ZNF317: variants seen among roughly 807,000 people sequenced by gnomAD.
The protein encoded by ZNF317 is KRAB-containing zinc finger protein 317.
A neutral mutation model predicts 23.4 loss-of-function variants in ZNF317; 17 were observed. That is an observed-to-expected ratio of 0.73 (90% CI 0.50 to 1.09). The LOEUF (loss-of-function observed/expected upper bound fraction) is 1.09. Among genes scored for constraint, ZNF317 ranks in the 50% least tolerant of loss-of-function variants. The pLI is 0.00. For missense variants in ZNF317, 679 were observed against 796.7 expected, an observed-to-expected ratio of 0.85 and a Z score of 1.78; for synonymous variants, 317 against 314.9, an observed-to-expected ratio of 1.01 and a Z score of -0.07.
At chr19:9,150,710 A>T (rs555206809) in intron 1 of ZNF317, among the ~76,000 whole-genome samples, 1 of 152,312 alleles carries the variant, frequency 6.6e-6, no homozygotes, top group South Asian at 2.1e-4. Flanking sequence ...ATTCCCAGGA[A>T]GAGGGAGATA....
At position 9,160,041 on chromosome 19, in the gene ZNF317, A is replaced by C; in HGVS notation, c.469-73A>C. ...TGCTTCTATCTGTTCATAGCAGTGT[A>C]TGTGGGGATGACGCTTAGGGTTGCA... is the stretch of plus-strand genomic sequence containing the variant. On this transcript the variant is annotated intron_variant, in intron 6 of 6. Transcript: ENST00000247956. The surrounding 1 kb of genome is among the most constrained non-coding windows in gnomAD (Gnocchi z 6.8). 6.3e-7 allele frequency: 1 copy of C among 1,586,298 alleles called. No individual in the cohort carries two copies. The highest frequency in any genetic ancestry group is 8.6e-7 in the Non-Finnish European group (1 of 1,163,370).
intron 1 of ZNF317, among the ~76,000 whole-genome samples, chr19:9,144,464 T>A (rs1189638591): frequency 2.7e-5 from 4 of 149,362 alleles, no homozygotes; most frequent in African/African-American, 1.0e-4. Context: ...TTCTCTAGCT[T>A]CTTTTGTGTA....
In ZNF317 at chr19:9,147,341, T is replaced by TTTTTTTTTG. The variant is rs1555713177; in HGVS notation, c.-93+6757_-93+6758insGTTTTTTTT. Among the ~76,000 whole-genome samples the TTTTTTTTTG allele has an allele frequency of 2.9e-3, 303 of 103,844 alleles. 10 individuals carry two copies. The highest frequency in any genetic ancestry group is 0.01 in the African/African-American group (296 of 28,458). The allele number at this position is 103,844 out of a possible 152,430, so 68.1% of individuals were successfully genotyped here. ...TTCCAATGACACTGGTTTTTTTTTT[T>TTTTTTTTTG]TTTTTTTTTTTTTTTTGAGATGGAG... On this transcript the variant is annotated intron_variant, in intron 1 of 6. Transcript: ENST00000247956.
In ZNF317 at chr19:9,160,231, C is replaced by A; in HGVS notation, c.586C>A (p.Arg196Ser). 6.2e-7 allele frequency: 1 copy of A among 1,614,136 alleles called. No individual in the cohort carries two copies. Among genetic ancestry groups the A allele is most frequent in the Non-Finnish European group, 8.5e-7 (1 of 1,180,012 alleles). Residue 196 changes from arginine to serine, a missense_variant, in exon 7 of 7, where the codon CGC becomes AGC. Transcript: ENST00000247956. This position sits in a 1 kb window ranked among gnomAD's most constrained non-coding sequence, Gnocchi z 6.8. ...GCACGCTGGCAAGAGGCCCTATCAC[C>A]GCCGCGACTATGGGGTAGCGTTCAA... ...GRHAGKRPYH[R>S]RDYGVAFKGR...
Position 9,160,207 on chromosome 19 carries a change from C to T in ZNF317, c.562C>T (p.His188Tyr). The change falls in exon 7 of 7, where the codon CAC (histidine) becomes TAC (tyrosine). Residue 188 changes from histidine to tyrosine, a missense_variant. Physicochemically the swap from His to Tyr is moderately conservative, Grantham distance 83. Coordinates refer to ENST00000247956, the MANE Select transcript of ZNF317 (RefSeq NM_020933.5). This position sits in a 1 kb window ranked among gnomAD's most constrained non-coding sequence, Gnocchi z 6.8. ...TCATCTCACTCAGCCAATGGGAAGG[C>T]ACGCTGGCAAGAGGCCCTATCACCG... Reference protein sequence around the residue: ...DPHLTQPMGRHAGKRPYHRRD... With the variant: ...DPHLTQPMGRYAGKRPYHRRD... The T allele has an allele frequency of 3.1e-6, 5 of 1,614,148 alleles. No homozygotes were observed. In the South Asian group the frequency reaches 5.5e-5, roughly 18 times the overall value.
rs199708182 is a variant in ZNF317, at chr19:9,161,161, C to T, written c.1516C>T (p.Gln506Ter). Reference protein sequence around the residue: ...HLVKKRVECRQCGKAFRNQST... With the variant: ...HLVKKRVECR Reference sequence around the variant, plus strand: ...TGTAAAGAAACGAGTTGAGTGTAGGCAGTGTGGCAAGGCCTTCAGGAACCA... The same window carrying T: ...TGTAAAGAAACGAGTTGAGTGTAGGTAGTGTGGCAAGGCCTTCAGGAACCA... The change falls in exon 7 of 7, where the codon CAG becomes TAG. Residue 506 changes from glutamine to a stop codon, truncating the protein, a stop_gained. Coordinates refer to ENST00000247956, the MANE Select transcript of ZNF317 (RefSeq NM_020933.5). LOFTEE classifies it low-confidence loss of function (END_TRUNC). The surrounding 1 kb of genome is among the most constrained non-coding windows in gnomAD (Gnocchi z 4.0). The T allele has an allele frequency of 6.2e-7, 1 of 1,614,080 alleles. No individual in the cohort carries two copies. Among genetic ancestry groups the T allele is most frequent in the East Asian group, 2.2e-5 (1 of 44,828 alleles).
At chr19:9,159,793 C>T (rs895488517) in intron 6 of ZNF317, among the ~76,000 whole-genome samples, 2 of 151,746 alleles carry the variant, frequency 1.3e-5, no homozygotes, top group Non-Finnish European at 2.9e-5. Context: ...GTGGTCCACC[C>T]GCCTTGGCCT....
chr19:9,151,583 C>T (rs1466986490), intron 1 of ZNF317, among the ~76,000 whole-genome samples: 1 of 151,738 alleles, frequency 6.6e-6, no homozygotes, highest in Non-Finnish European at 1.5e-5. Flanking sequence ...AAATCCCCTC[C>T]CGAGGTGTGG....
chr19:9,141,310 A>G (rs2145934990), intron 1 of ZNF317, among the ~76,000 whole-genome samples: 1 of 152,340 alleles, frequency 6.6e-6, no homozygotes, highest in South Asian at 2.1e-4. Context: ...ACTTAAAAGG[A>G]CAACAGTAAA....
chr19:9,146,271 G>C (rs1002555009), intron 1 of ZNF317, among the ~76,000 whole-genome samples: 18 of 151,610 alleles, frequency 1.2e-4, no homozygotes, highest in African/African-American at 4.4e-4. Flanking sequence ...CCACCCCCTG[G>C]GACATCTCAT....
At position 9,160,520 on chromosome 19, in the gene ZNF317, C is replaced by G. The variant is rs747861913; in HGVS notation, c.875C>G (p.Ala292Gly). The change falls in exon 7 of 7, where the codon GCC becomes GGC. Residue 292 changes from alanine to glycine, a missense_variant. Ala to Gly is a moderately conservative substitution (Grantham distance 60). Coordinates refer to ENST00000247956, the MANE Select transcript of ZNF317 (RefSeq NM_020933.5). The surrounding 1 kb of genome is among the most constrained non-coding windows in gnomAD (Gnocchi z 6.8). ...QCGNAFRTLSALKIHMRVHTG... is the reference protein window; with the variant it reads ...QCGNAFRTLSGLKIHMRVHTG... ...GGAAATGCATTCCGGACCCTCTCGG[C>G]CCTGAAAATCCACATGCGAGTTCAC... The G allele has an allele frequency of 1.2e-6, 2 of 1,614,186 alleles. No homozygotes were observed. Among genetic ancestry groups the G allele is most frequent in the Non-Finnish European group, 1.7e-6 (2 of 1,180,028 alleles).
At position 9,160,723 on chromosome 19, in the gene ZNF317, A is replaced by G; in HGVS notation, c.1078A>G (p.Lys360Glu). 1 of 1,614,188 alleles carries G rather than the reference A, an allele frequency of 6.2e-7. No individual in the cohort carries two copies. Among genetic ancestry groups the G allele is most frequent in the Non-Finnish European group, 8.5e-7 (1 of 1,180,030 alleles). Residue 360 changes from lysine (K) to glutamate (E), a missense_variant, in exon 7 of 7, where the codon AAG becomes GAG. Lys to Glu is a moderately conservative substitution (Grantham distance 56, BLOSUM62 1). Transcript: ENST00000247956. The surrounding 1 kb of genome is among the most constrained non-coding windows in gnomAD (Gnocchi z 6.8). The part of the protein sequence containing the change: ...KEHVRNHTGE[K>E]PYACTQCGKA... The stretch of plus-strand genomic sequence containing the variant: ...GCACGTGAGGAATCACACGGGGGAG[A>G]AGCCCTACGCGTGCACGCAGTGCGG...
chr19:9,160,530 C>T lies in ZNF317; in HGVS notation c.885C>T (p.Ile295=). 1 of 1,614,200 alleles carries T rather than the reference C, an allele frequency of 6.2e-7. No individual in the cohort carries two copies. Among genetic ancestry groups the T allele is most frequent in the Non-Finnish European group, 8.5e-7 (1 of 1,180,040 alleles). ...NAFRTLSALK[I]HMRVHTGERP... ...TCCGGACCCTCTCGGCCCTGAAAAT[C>T]CACATGCGAGTTCACACTGGCGAGA... The change falls in exon 7 of 7, where the codon ATC becomes ATT. Residue 295 remains isoleucine (I), a synonymous_variant. Coordinates refer to ENST00000247956, the MANE Select transcript of ZNF317 (RefSeq NM_020933.5). This position sits in a 1 kb window ranked among gnomAD's most constrained non-coding sequence, Gnocchi z 6.8.
Position 9,157,359 on chromosome 19 carries a change from T to C in ZNF317, c.254T>C (p.Val85Ala). 6.2e-7 allele frequency: 1 copy of C among 1,614,098 alleles called. No individual in the cohort carries two copies. Among genetic ancestry groups the C allele is most frequent in the Non-Finnish European group, 8.5e-7 (1 of 1,179,992 alleles). Residue 85 changes from valine (V) to alanine (A), a missense_variant, in exon 4 of 7, where the codon GTA (valine) becomes GCA (alanine). Val to Ala is a moderately conservative substitution (Grantham distance 64). Coordinates refer to ENST00000247956, the MANE Select transcript of ZNF317 (RefSeq NM_020933.5). ...TCTCAGAGAAAACTGTACAAAGATG[T>C]AATGCTGGAGAACTACAGCAACCTC... ...DSSQRKLYKD[V>A]MLENYSNLTS...
rs1489347957 is a variant in ZNF317 at position 9,150,206 on chromosome 19, G to T, written c.-92-5719G>T. On this transcript the variant is annotated intron_variant, in intron 1 of 6. Transcript: ENST00000247956. ...CTCTGAGTCATTCTGGGTGGGGCAG[G>T]TGCCAGGGAGCGGAGAGTGGCACCC... Among the ~76,000 whole-genome samples, 3 of 152,214 alleles carry T rather than the reference G, an allele frequency of 2.0e-5. 1 individual carries two copies. The highest frequency in any genetic ancestry group is 1.5e-5 in the Non-Finnish European group (1 of 68,038).
chr19:9,143,647 G>A (rs562613130), intron 1 of ZNF317, among the ~76,000 whole-genome samples: 3 of 84,430 alleles, frequency 3.6e-5, no homozygotes, highest in Admixed American at 3.3e-4. Context: ...GTCTCATCAT[G>A]TTCAATCTGC....
chr19:9,154,540 A>G (rs913423721), intron 1 of ZNF317, among the ~76,000 whole-genome samples: 1 of 152,014 alleles, frequency 6.6e-6, no homozygotes, highest in Non-Finnish European at 1.5e-5. Flanking sequence ...TTCTCCATGT[A>G]GTGTGTCTGC....
intron 1 of ZNF317, among the ~76,000 whole-genome samples, chr19:9,153,848 G>A (rs2050758187): frequency 6.6e-6 from 1 of 152,176 alleles, no homozygotes; most frequent in South Asian, 2.1e-4. Flanking sequence ...TTTTCTGTGA[G>A]GATGGGGATG....
intron 1 of ZNF317, among the ~76,000 whole-genome samples, chr19:9,142,768 A>G (rs2050645658): frequency 6.6e-6 from 1 of 151,962 alleles, no homozygotes; most frequent in Non-Finnish European, 1.5e-5. Context: ...CTCTTGTTAC[A>G]TTGAATTTGT....
Sources: gnomAD v4.1 joint callset for allele counts (sites outside exome capture counted in the v4.1 genomes callset) on GRCh38, gnomAD v4.1.1 for gene constraint, Gnocchi (gnomAD v3.1) non-coding constraint, MANE v1.5 for transcripts, NCBI Gene and HGNC (gene_info 2026-07-23, HGNC 2026-07-21) for gene names.